The following NBEA variants were observed in gnomAD, a reference collection of about 807,000 sequenced individuals.
NBEA encodes the protein lysosomal-trafficking regulator 2.
NBEA carries 44 observed loss-of-function variants against 343.4 expected under a neutral mutation model. The observed-to-expected ratio is 0.13, with a 90% CI of 0.10 to 0.16. The LOEUF (loss-of-function observed/expected upper bound fraction) is 0.16, where lower values mean the gene tolerates loss of function less well. NBEA is among the 10% of genes least tolerant of loss of function. NBEA has a pLI of 1.00. For synonymous variants in NBEA, 1,175 were observed against 1,238.7 expected (o/e 0.95, Z 1.08); for missense variants, 2,555 against 3,631.3 (o/e 0.70, Z 7.62).
intron 49 of NBEA, among the ~76,000 whole-genome samples, chr13:35,633,008 C>G (rs966983632): frequency 1.5e-5 from 2 of 132,384 alleles, no homozygotes; most frequent in African/African-American, 5.8e-5. Flanking sequence ...TGAAGCAAGT[C>G]TTATTTTGAA....
At chr13:35,435,091 C>T (rs943061782) in intron 39 of NBEA, among the ~76,000 whole-genome samples, 2 of 152,058 alleles carry the variant, frequency 1.3e-5, no homozygotes, top group African/African-American at 4.8e-5. Flanking sequence ...TGCAATGGCG[C>T]GATCTCAGCT....
intron 28 of NBEA, 108 bp from the exon 29 acceptor site, chr13:35,182,252 A>C: frequency 1.5e-6 from 1 of 650,426 alleles, no homozygotes; most frequent in Non-Finnish European, 2.3e-6. Context: ...TAAAAGTTAC[A>C]TATCATATTT....
chr13:35,305,562 G>A (rs1306121509), intron 35 of NBEA, among the ~76,000 whole-genome samples: 1 of 152,094 alleles, frequency 6.6e-6, no homozygotes, highest in Non-Finnish European at 1.5e-5. Flanking sequence ...CTGGCTAGAA[G>A]CTACAAGAGC....
At chr13:35,061,932 AG>A (rs2063482239) in intron 8 of NBEA, among the ~76,000 whole-genome samples, 2 of 151,722 alleles carry the variant, frequency 1.3e-5, no homozygotes, top group South Asian at 2.1e-4. Flanking sequence ...TTGCTTTTAT[AG>A]GAGACTTTCT....
chr13:35,215,598 A>G (rs1181029693), intron 33 of NBEA, among the ~76,000 whole-genome samples: 2 of 151,770 alleles, frequency 1.3e-5, no homozygotes, highest in Non-Finnish European at 3.0e-5. Flanking sequence ...TTGTATTAGT[A>G]CATTGATTTT....
chr13:35,356,371 G>T (rs1480295813), intron 38 of NBEA, among the ~76,000 whole-genome samples: 1 of 152,080 alleles, frequency 6.6e-6, no homozygotes, highest in Non-Finnish European at 1.5e-5. Flanking sequence ...AACAGCAAAA[G>T]TTGCTTTTGA....
At chr13:35,124,355 A>G (rs979966127) in intron 17 of NBEA, among the ~76,000 whole-genome samples, 3 of 151,400 alleles carry the variant, frequency 2.0e-5, no homozygotes, top group South Asian at 4.2e-4. Context: ...AACAAGCTGT[A>G]TAGCCTAGAA....
rs2152961897 is a variant in NBEA at position 35,476,302 on chromosome 13, GC to G, written c.6585+3767del. 4 of 429,424 alleles carry G rather than the reference GC, an allele frequency of 9.3e-6. No individual in the cohort carries two copies. In the African/African-American group the frequency reaches 1.8e-4, roughly 20 times the overall value. 26.6% of individuals were successfully genotyped at this position (429,424 alleles called of 1,614,324 possible). ...GTGCTGCAGCGTTGGTTTCCCTGCT[GC>G]TGCTGCTGCTGCTGCTGCTGCTGCT... On this transcript the variant is annotated intron_variant, in intron 41 of 58. Transcript: ENST00000379939.
intron 36 of NBEA, among the ~76,000 whole-genome samples, chr13:35,333,048 AG>A (rs1444433738): frequency 1.3e-5 from 2 of 152,152 alleles, no homozygotes; most frequent in Non-Finnish European, 2.9e-5. Flanking sequence ...AAGATCCTTA[AG>A]AAAGGCTGAT....
chr13:35,309,687 G>A lies in NBEA; in HGVS notation c.5903+95G>A, dbSNP rs139726065. 4.4e-4 allele frequency: 283 copies of A among 640,182 alleles called. 3 individuals carry two copies. The East Asian group carries it at 9.1e-3, about 21-fold the overall frequency. 39.7% of individuals were successfully genotyped at this position (640,182 alleles called of 1,614,324 possible). Reference sequence around the variant, plus strand: ...TACCATCTGTTCCAAAAATGTAGAAGAAAATGTCTTTTAGTTAAATAATTT... The same window carrying A: ...TACCATCTGTTCCAAAAATGTAGAAAAAAATGTCTTTTAGTTAAATAATTT... On this transcript the variant is annotated intron_variant, in intron 36 of 58. Coordinates refer to ENST00000379939, the MANE Select transcript of NBEA (RefSeq NM_001385012.1).
rs755480012 is a variant in NBEA at position 35,161,884 on chromosome 13, T to C, written c.3996T>C (p.Pro1332=). The C allele has an allele frequency of 6.3e-7, 1 of 1,588,736 alleles. No individual in the cohort carries two copies. Among genetic ancestry groups the C allele is most frequent in the Admixed American group, 1.8e-5 (1 of 56,202 alleles). ...PGPRTTMFRI[P]EFKWSPMHQR... ...CACGGACTACAATGTTTCGTATTCC[T>C]GAGTTTAAATGGTCTCCAATGCACC... Residue 1332 remains proline, a synonymous_variant, in exon 23 of 59, where the codon CCT becomes CCC. Coordinates refer to ENST00000379939, the MANE Select transcript of NBEA (RefSeq NM_001385012.1).
chr13:35,107,983 C>T (rs1471156276), intron 11 of NBEA, among the ~76,000 whole-genome samples: 2 of 151,896 alleles, frequency 1.3e-5, no homozygotes, highest in Non-Finnish European at 2.9e-5. Flanking sequence ...CATTTTAGTT[C>T]GTGACCGTTT....
intron 1 of NBEA, among the ~76,000 whole-genome samples, chr13:35,031,106 C>A (rs2062198807): frequency 6.6e-6 from 1 of 151,622 alleles, no homozygotes; most frequent in African/African-American, 2.4e-5. Flanking sequence ...ACCCTTTATT[C>A]TACAAATTTA....
chr13:35,161,602 A>C (rs928755199), intron 22 of NBEA, 148 bp from the exon 23 acceptor site: 5 of 712,066 alleles, frequency 7.0e-6, no homozygotes, highest in African/African-American at 1.8e-5. Flanking sequence ...AGGAATTACC[A>C]GGTGAATAAT....
intron 34 of NBEA, among the ~76,000 whole-genome samples, chr13:35,262,910 T>C (rs1206167838): frequency 6.6e-6 from 1 of 152,216 alleles, no homozygotes; most frequent in African/African-American, 2.4e-5. Context: ...AAGCAATTTA[T>C]AGATTAATTG....
intron 56 of NBEA, among the ~76,000 whole-genome samples, chr13:35,665,833 G>C (rs940046239): frequency 6.6e-6 from 1 of 152,108 alleles, no homozygotes; most frequent in African/African-American, 2.4e-5. Context: ...TCACCATGTT[G>C]GCCAGGCTGG....
intron 17 of NBEA, among the ~76,000 whole-genome samples, chr13:35,127,632 G>T (rs1181938977): frequency 3.3e-5 from 5 of 152,064 alleles, no homozygotes; most frequent in Non-Finnish European, 5.9e-5. Flanking sequence ...ACTAAAATTT[G>T]ATGATGTAGA....
At chr13:34,946,310 A>T (rs1743981134) in intron 1 of NBEA, among the ~76,000 whole-genome samples, 1 of 152,158 alleles carries the variant, frequency 6.6e-6, no homozygotes, top group Admixed American at 6.5e-5. Flanking sequence ...CGTACTACCT[A>T]ATCTATTACT....
At chr13:35,348,907 A>G (rs2040026904) in intron 36 of NBEA, among the ~76,000 whole-genome samples, 1 of 152,094 alleles carries the variant, frequency 6.6e-6, no homozygotes, top group South Asian at 2.1e-4. Flanking sequence ...ACACTATTTA[A>G]CAGAGGAATT....
Sources: allele counts gnomAD v4.1 joint callset (sites outside exome capture counted in the v4.1 genomes callset), GRCh38; gene constraint gnomAD v4.1.1; transcripts MANE v1.5; gene names NCBI Gene and HGNC (gene_info 2026-07-23, HGNC 2026-07-21).